Variants in GABBR2 observed in about 807,000 individuals in gnomAD.
The protein encoded by GABBR2 is G-protein coupled receptor 51.
GABBR2 carries 23 observed loss-of-function variants against 105.6 expected under a neutral mutation model. The ratio of observed to expected loss-of-function variants is 0.22; its 90% CI spans 0.16 to 0.31. GABBR2 has a LOEUF of 0.31. Ranked by LOEUF, GABBR2 falls within the 10% of genes least tolerant of loss-of-function variation. The pLI is 1.00. For missense variants in GABBR2, 734 were observed against 1,245.5 expected (o/e 0.59, Z 6.18); for synonymous variants, 478 against 499.7 (o/e 0.96, Z 0.58).
intron 6 of GABBR2, among the ~76,000 whole-genome samples, chr9:98,460,867 A>C (rs558881364): frequency 6.6e-6 from 1 of 152,346 alleles, no homozygotes; most frequent in Admixed American, 6.5e-5. Context: ...AAAACTGCCA[A>C]AGACCAAATC....
At chr9:98,438,801 C>G (rs1283525868) in intron 7 of GABBR2, among the ~76,000 whole-genome samples, 1 of 152,112 alleles carries the variant, frequency 6.6e-6, no homozygotes, top group African/African-American at 2.4e-5. Context: ...AAACCTCATG[C>G]GTAAAAAGCA....
intron 1 of GABBR2, among the ~76,000 whole-genome samples, chr9:98,680,562 G>A (rs923417030): frequency 6.6e-6 from 1 of 152,062 alleles, no homozygotes; most frequent in Non-Finnish European, 1.5e-5. Context: ...GCCCACCTCG[G>A]CCTCCCAAAG....
chr9:98,496,159 T>C (rs767193014), intron 4 of GABBR2: 47 of 508,606 alleles, frequency 9.2e-5, no homozygotes, highest in Non-Finnish European at 1.4e-4. Flanking sequence ...TGAGGCTGCG[T>C]TGAGAGATAT....
At chr9:98,357,826 C>T (rs1169368866) in intron 13 of GABBR2, among the ~76,000 whole-genome samples, 1 of 152,172 alleles carries the variant, frequency 6.6e-6, no homozygotes, top group African/African-American at 2.4e-5. Flanking sequence ...GAAGTAACCA[C>T]AATCTTGAAT....
chr9:98,615,976 T>C (rs918026067), intron 1 of GABBR2, among the ~76,000 whole-genome samples: 6 of 152,212 alleles, frequency 3.9e-5, no homozygotes, highest in African/African-American at 1.4e-4. Flanking sequence ...ACTTCCTTCA[T>C]GGTAAATTGT....
chr9:98,415,518 G>A (rs1304036592), intron 7 of GABBR2, among the ~76,000 whole-genome samples: 2 of 152,176 alleles, frequency 1.3e-5, no homozygotes, highest in Admixed American at 1.3e-4. Flanking sequence ...GCCATTTTCT[G>A]GGAAGGGAAG....
intron 18 of GABBR2, among the ~76,000 whole-genome samples, chr9:98,292,669 G>A (rs140171204): frequency 0.011 from 1,719 of 152,340 alleles, 16 homozygotes; most frequent in Middle Eastern, 0.02. Context: ...GGACAAAAAG[G>A]GAAGAATAAA....
intron 3 of GABBR2, among the ~76,000 whole-genome samples, chr9:98,521,444 C>T (rs1827864253): frequency 6.6e-6 from 1 of 152,182 alleles, no homozygotes; most frequent in Non-Finnish European, 1.5e-5. Flanking sequence ...CCACCTATCA[C>T]CCTGCAACCC....
At chr9:98,311,304 C>G (rs568609904) in intron 13 of GABBR2, 99 bp from the exon 14 acceptor site, 2 of 707,232 alleles carry the variant, frequency 2.8e-6, no homozygotes, top group Admixed American at 2.2e-5. Flanking sequence ...TGAGCCATAG[C>G]CAATGCCACT....
At chr9:98,622,437 G>A (rs6478785) in intron 1 of GABBR2, among the ~76,000 whole-genome samples, 2 of 152,082 alleles carry the variant, frequency 1.3e-5, no homozygotes, top group Admixed American at 1.3e-4. Context: ...AAGTGCTAAC[G>A]CCCATATTTT....
intron 8 of GABBR2, among the ~76,000 whole-genome samples, chr9:98,403,747 A>G (rs1204260493): frequency 8.1e-6 from 1 of 123,084 alleles, no homozygotes; most frequent in South Asian, 2.3e-4. Context: ...ACTTGCTGAG[A>G]AAAAAAAAAA....
intron 1 of GABBR2, among the ~76,000 whole-genome samples, chr9:98,626,543 G>C (rs1274862586): frequency 6.6e-6 from 1 of 152,166 alleles, no homozygotes; most frequent in Non-Finnish European, 1.5e-5. Flanking sequence ...CTTGCTCTCT[G>C]TGTGATCCTG....
At chr9:98,584,863 C>T (rs531507593) in intron 1 of GABBR2, among the ~76,000 whole-genome samples, 21 of 152,332 alleles carry the variant, frequency 1.4e-4, no homozygotes, top group Non-Finnish European at 2.8e-4. Context: ...TATCTGCTCA[C>T]GTCTGTCCGT....
At chr9:98,467,032 G>T (rs767302835) in intron 6 of GABBR2, among the ~76,000 whole-genome samples, 2 of 152,102 alleles carry the variant, frequency 1.3e-5, no homozygotes, top group Non-Finnish European at 2.9e-5. Flanking sequence ...AAAAAGAAAG[G>T]CCATATCCCC....
chr9:98,364,334 T>C lies in GABBR2; in HGVS notation c.1771-1497A>G, dbSNP rs1831639417. Among the ~76,000 whole-genome samples, 3 of 152,226 alleles carry C rather than the reference T, an allele frequency of 2.0e-5. No individual in the cohort carries two copies. In the South Asian group the frequency reaches 6.2e-4, roughly 32 times the overall value. The stretch of plus-strand genomic sequence containing the variant: ...TGGAAGGAGCCTCATATCTACGTGA[T>C]GCTGAACATGGGGCTGTTTGAGCCC... On this transcript the variant is annotated intron_variant, in intron 12 of 18. Transcript: ENST00000259455.
chr9:98,454,359 A>T lies in GABBR2; in HGVS notation c.1000-142T>A, dbSNP rs1826288632. ...GATTCTACGTGCATTATCTCATTTA[A>T]CCCTCACAACAACCTCATAAGGTGG... On this transcript the variant is annotated intron_variant, in intron 6 of 18. Transcript: ENST00000259455. This position sits in a 1 kb window ranked among gnomAD's most constrained non-coding sequence, Gnocchi z 4.6. The T allele has an allele frequency of 4.5e-6, 3 of 666,716 alleles. No homozygotes were observed. The highest frequency in any genetic ancestry group is 8.2e-6 in the Non-Finnish European group (3 of 367,224). The allele number at this position is 666,716 out of a possible 1,614,324, so 41.3% of individuals were successfully genotyped here. A position where few individuals can be genotyped will look rare whatever the true frequency, so the allele number is the denominator to read the frequency against.
chr9:98,379,057 C>T (rs1831925750), intron 11 of GABBR2, among the ~76,000 whole-genome samples: 1 of 152,172 alleles, frequency 6.6e-6, no homozygotes, highest in South Asian at 2.1e-4. Flanking sequence ...CTCAGAGGTC[C>T]CGTCTGTGTC....
intron 2 of GABBR2, among the ~76,000 whole-genome samples, chr9:98,556,160 T>C (rs1828580733): frequency 6.6e-6 from 1 of 152,180 alleles, no homozygotes; most frequent in Non-Finnish European, 1.5e-5. Context: ...CCCCATCCCC[T>C]TGAGTAGATA....
At chr9:98,681,992 T>C (rs1830555005) in intron 1 of GABBR2, among the ~76,000 whole-genome samples, 1 of 152,098 alleles carries the variant, frequency 6.6e-6, no homozygotes, top group South Asian at 2.1e-4. Flanking sequence ...AATCCCACTT[T>C]GGGGGGTGGA....
Sources: gnomAD v4.1 joint callset for allele counts (sites outside exome capture counted in the v4.1 genomes callset) on GRCh38, gnomAD v4.1.1 for gene constraint, Gnocchi (gnomAD v3.1) non-coding constraint, MANE v1.5 for transcripts, NCBI Gene and HGNC (gene_info 2026-07-23, HGNC 2026-07-21) for gene names.